Variants in FER1L6 observed in about 807,000 individuals in gnomAD.
FER1L6 encodes fer-1-like protein 6.
A neutral mutation model predicts 219.2 loss-of-function variants in FER1L6; 177 were observed. The ratio of observed to expected loss-of-function variants is 0.81; its 90% CI spans 0.71 to 0.91. The LOEUF is 0.91. Ranked by LOEUF, FER1L6 falls within the 40% of genes least tolerant of loss-of-function variation. The pLI, the probability that FER1L6 is intolerant of heterozygous loss-of-function variation, is 0.00. For synonymous variants in FER1L6, 768 were observed against 824.3 expected (o/e 0.93, Z 1.17); for missense variants, 2,153 against 2,259.9 (o/e 0.95, Z 0.96).
intron 1 of FER1L6, among the ~76,000 whole-genome samples, chr8:123,946,520 C>G (rs1814495096): frequency 1.3e-5 from 2 of 152,220 alleles, no homozygotes; most frequent in Admixed American, 6.5e-5. Context: ...TCCCAAAGTG[C>G]TGGGATTACA....
chr8:123,995,859 TGTG>T (rs1183305039), intron 12 of FER1L6, among the ~76,000 whole-genome samples: 1 of 152,182 alleles, frequency 6.6e-6, no homozygotes, highest in African/African-American at 2.4e-5. Context: ...TTTGGTATGT[TGTG>T]TTTCCATTAT....
At chr8:124,112,574 T>C (rs563695743) in intron 39 of FER1L6, among the ~76,000 whole-genome samples, 6 of 152,182 alleles carry the variant, frequency 3.9e-5, no homozygotes, top group South Asian at 4.1e-4. Flanking sequence ...ACATTTATTT[T>C]ACAAGTTAAT....
chr8:123,964,083 G>A (rs1378317179), intron 3 of FER1L6, among the ~76,000 whole-genome samples: 1 of 152,206 alleles, frequency 6.6e-6, no homozygotes, highest in Non-Finnish European at 1.5e-5. Flanking sequence ...GCTAGTCTGA[G>A]CTTGTGCCAA....
At chr8:123,979,986 C>T (rs1816248594) in intron 10 of FER1L6, among the ~76,000 whole-genome samples, 1 of 152,208 alleles carries the variant, frequency 6.6e-6, no homozygotes, top group Admixed American at 6.5e-5. Context: ...AGAACACACA[C>T]TCTCTCTCTT....
At position 123,861,458 on chromosome 8, in the gene FER1L6, G is replaced by A. The variant is rs1195434683; in HGVS notation, c.-8+9273G>A. 5.4e-4 allele frequency among the ~76,000 whole-genome samples: 77 copies of A among 143,546 alleles called. 1 individual carries two copies. The highest frequency in any genetic ancestry group is 1.7e-3 in the African/African-American group (61 of 36,372). The allele number at this position is 143,546 out of a possible 152,430, so 94.2% of individuals were successfully genotyped here. On this transcript the variant is annotated intron_variant, in intron 1 of 40. Coordinates refer to ENST00000522917, the MANE Select transcript of FER1L6 (RefSeq NM_001039112.2). ...TCTTTTGGCTTAGGATTGACTTGGC[G>A]ATGCGGGCTCTTTTTTGGTTCCATA...
chr8:123,943,283 G>A (rs1452027319), intron 1 of FER1L6, among the ~76,000 whole-genome samples: 1 of 152,176 alleles, frequency 6.6e-6, no homozygotes, highest in Non-Finnish European at 1.5e-5. Flanking sequence ...TGGACCCAGG[G>A]CATTGACACT....
intron 31 of FER1L6, 128 bp downstream of exon 31, chr8:124,071,759 C>CT (rs1293988936): frequency 8.2e-7 from 1 of 1,217,538 alleles, no homozygotes; most frequent in Non-Finnish European, 1.1e-6. Flanking sequence ...TGCCATAAGT[C>CT]TATAATCAAG....
intron 2 of FER1L6, 62 bp from the exon 3 acceptor site, chr8:123,963,216 G>A: frequency 6.2e-7 from 1 of 1,603,242 alleles, no homozygotes; most frequent in Non-Finnish European, 8.5e-7. Flanking sequence ...GCATAAGGTA[G>A]AGGCTCGATT....
intron 26 of FER1L6, 38 bp from the exon 27 acceptor site, chr8:124,066,390 A>G (rs1469731958): frequency 1.9e-6 from 3 of 1,601,546 alleles, no homozygotes. Context: ...CAGCCAAATG[A>G]GGTTGAACTA....
intron 1 of FER1L6, among the ~76,000 whole-genome samples, chr8:123,893,372 T>A (rs190990151): frequency 2.1e-4 from 32 of 152,358 alleles, no homozygotes; most frequent in Admixed American, 2.1e-3. Context: ...TTGCATGGAC[T>A]GAACTAATGG....
intron 20 of FER1L6, chr8:124,040,504 AC>A (rs1375228686): frequency 5.4e-6 from 1 of 184,446 alleles, no homozygotes; most frequent in Non-Finnish European, 1.2e-5. Context: ...TCTGGAAAAT[AC>A]TACTTCATAA....
chr8:123,903,145 G>T (rs1391798113), intron 1 of FER1L6, among the ~76,000 whole-genome samples: 2 of 152,004 alleles, frequency 1.3e-5, no homozygotes, highest in Non-Finnish European at 1.5e-5. Context: ...TTTCTCATTT[G>T]CCCTGAGAAT....
At chr8:124,060,515 C>T in intron 23 of FER1L6, 33 bp from the exon 24 acceptor site, 1 of 1,610,696 alleles carries the variant, frequency 6.2e-7, no homozygotes, top group Non-Finnish European at 8.5e-7. Context: ...CTCCGTGGAT[C>T]TGTGGTGATG....
intron 35 of FER1L6, 53 bp from the exon 36 acceptor site, chr8:124,097,218 A>T: frequency 7.6e-7 from 1 of 1,321,236 alleles, no homozygotes; most frequent in South Asian, 1.2e-5. Context: ...TCAATTACCC[A>T]TGTCCCCTAG....
intron 1 of FER1L6, among the ~76,000 whole-genome samples, chr8:123,903,835 A>T (rs1812901625): frequency 6.6e-6 from 1 of 152,218 alleles, no homozygotes; most frequent in African/African-American, 2.4e-5. Flanking sequence ...CACAAAAGGA[A>T]GCAAGACAAG....
chr8:124,105,020 C>T (rs934882013), intron 39 of FER1L6, among the ~76,000 whole-genome samples: 4 of 152,128 alleles, frequency 2.6e-5, no homozygotes, highest in African/African-American at 9.7e-5. Flanking sequence ...ACACATACTC[C>T]AAGAAAGCAA....
chr8:124,082,522 G>A (rs1821603132), intron 33 of FER1L6, 64 bp downstream of exon 33: 1 of 1,457,126 alleles, frequency 6.9e-7, no homozygotes, highest in South Asian at 1.2e-5. Context: ...TAGGGCTCCA[G>A]ACTCTGCATC....
chr8:123,973,721 T>G (rs1169757742), intron 7 of FER1L6, among the ~76,000 whole-genome samples: 6 of 152,208 alleles, frequency 3.9e-5, no homozygotes, highest in Non-Finnish European at 8.8e-5. Flanking sequence ...CTGGGGAGTT[T>G]TTTTTCTCAC....
chr8:124,119,872 A>G lies in FER1L6; in HGVS notation c.*82A>G. ...GAGCATCTAAGAACATGTCCCATGC[A>G]TGGCACTGTGCTGAGTGCTAAGGGG... On this transcript the variant is annotated 3_prime_UTR_variant, in exon 41 of 41. Coordinates refer to ENST00000522917, the MANE Select transcript of FER1L6 (RefSeq NM_001039112.2). The G allele has an allele frequency of 2.8e-6, 4 of 1,441,186 alleles. No individual in the cohort carries two copies. The highest frequency in any genetic ancestry group is 3.6e-4 in the Middle Eastern group (2 of 5,500). The allele number at this position is 1,441,186 out of a possible 1,614,324, so 89.3% of individuals were successfully genotyped here. A position where few individuals can be genotyped will look rare whatever the true frequency, so the allele number is the denominator to read the frequency against.
Sources: gnomAD v4.1 joint callset for allele counts (sites outside exome capture counted in the v4.1 genomes callset) on GRCh38, gnomAD v4.1.1 for gene constraint, MANE v1.5 for transcripts, NCBI Gene and HGNC (gene_info 2026-07-23, HGNC 2026-07-21) for gene names.